TCN1: variants seen among roughly 807,000 people sequenced by gnomAD.
TCN1 encodes the protein transcobalamin-1.
In TCN1, 47 loss-of-function variants were observed where a neutral mutation model predicts 46.3. The ratio of observed to expected loss-of-function variants is 1.01; its 90% CI spans 0.80 to 1.29. The LOEUF is 1.29. Among genes scored for constraint, TCN1 ranks in the 50% most tolerant of loss-of-function variants. The pLI, the probability that TCN1 is intolerant of heterozygous loss-of-function variation, is 0.00. For missense variants in TCN1, 532 were observed against 511.0 expected (o/e 1.04, Z -0.40); for synonymous variants, 183 against 192.5 (o/e 0.95, Z 0.41).
intron 5 of TCN1, among the ~76,000 whole-genome samples, 184 bp downstream of exon 5, chr11:59,858,893 C>T (rs1590866086): frequency 6.6e-6 from 1 of 152,256 alleles, no homozygotes; most frequent in East Asian, 1.9e-4. Context: ...ATCCCAGCTA[C>T]TCAGGAGGCT....
Position 59,855,518 on chromosome 11 carries a change from G to T in TCN1, c.937+351C>A, listed in dbSNP as rs1025587270. ...TCATTTCCCTAAGGGATCACTCACT[G>T]TGCAAAGTCAGAGTCACGGTACCAA... On this transcript the variant is annotated intron_variant, in intron 6 of 8. Coordinates refer to ENST00000257264, the MANE Select transcript of TCN1 (RefSeq NM_001062.4). Among the ~76,000 whole-genome samples the T allele has an allele frequency of 2.6e-5, 4 of 152,182 alleles. No individual in the cohort carries two copies. The South Asian group carries it at 8.3e-4, about 32-fold the overall frequency.
intron 3 of TCN1, 79 bp downstream of exon 3, chr11:59,862,503 G>A: frequency 6.5e-7 from 1 of 1,536,700 alleles, no homozygotes; most frequent in Non-Finnish European, 9.0e-7. Context: ...AGGAAAGAGT[G>A]GAGGGAAACT....
intron 5 of TCN1, among the ~76,000 whole-genome samples, chr11:59,857,462 C>T (rs1023114846): frequency 1.2e-4 from 19 of 152,278 alleles, no homozygotes; most frequent in Non-Finnish European, 1.6e-4. Flanking sequence ...TGACTGGACC[C>T]GTGCTTACAC....
In TCN1 at chr11:59,864,151, G is replaced by T. The variant is rs878915184; in HGVS notation, c.80-65C>A. 6.4e-6 allele frequency: 10 copies of T among 1,552,240 alleles called. No homozygotes were observed. The South Asian group carries it at 7.8e-5, about 12-fold the overall frequency. ...GAAAATAGTAAGACTTGCAGCAGGG[G>T]TTATATAAAAATATTTAGTAACAGA... On this transcript the variant is annotated intron_variant, in intron 1 of 8. Coordinates refer to ENST00000257264, the MANE Select transcript of TCN1 (RefSeq NM_001062.4).
At chr11:59,854,905 C>T (rs949069358) in intron 6 of TCN1, 70 bp from the exon 7 acceptor site, 19 of 1,544,878 alleles carry the variant, frequency 1.2e-5, no homozygotes, top group Non-Finnish European at 1.7e-5. Context: ...TGCAGACCTA[C>T]TCAACCCCTA....
intron 6 of TCN1, among the ~76,000 whole-genome samples, chr11:59,855,199 A>G (rs1426982192): frequency 1.3e-5 from 2 of 152,100 alleles, no homozygotes; most frequent in African/African-American, 4.8e-5. Context: ...TTTATTGAAA[A>G]CATATGAATT....
chr11:59,864,146 C>T, intron 1 of TCN1, 60 bp from the exon 2 acceptor site: 2 of 1,562,150 alleles, frequency 1.3e-6, no homozygotes, highest in Non-Finnish European at 1.8e-6. Flanking sequence ...AGACTTGCAG[C>T]AGGGGTTATA....
At chr11:59,864,970 A>G (rs548878702) in intron 1 of TCN1, among the ~76,000 whole-genome samples, 1 of 152,206 alleles carries the variant, frequency 6.6e-6, no homozygotes, top group South Asian at 2.1e-4. Context: ...AACTTATGTA[A>G]CTTGTTTTAC....
At position 59,857,550 on chromosome 11, in the gene TCN1, C is replaced by G. The variant is rs148725926; in HGVS notation, c.748-1492G>C. Among the ~76,000 whole-genome samples the G allele has an allele frequency of 1.1e-4, 16 of 152,286 alleles. No individual in the cohort carries two copies. In the East Asian group the frequency reaches 3.1e-3, roughly 29 times the overall value. ...CCTTGACCTTAAAATGCCTAACATT[C>G]TTTTGTGCTTTTGGGTCTTTGTCCT... is the stretch of plus-strand genomic sequence containing the variant. On this transcript the variant is annotated intron_variant, in intron 5 of 8. Coordinates refer to ENST00000257264, the MANE Select transcript of TCN1 (RefSeq NM_001062.4).
chr11:59,856,064 G>T lies in TCN1; in HGVS notation c.748-6C>A. 2 of 1,271,610 alleles carry T rather than the reference G, an allele frequency of 1.6e-6. No individual in the cohort carries two copies. The highest frequency in any genetic ancestry group is 1.1e-6 in the Non-Finnish European group (1 of 936,078). 78.8% of individuals were successfully genotyped at this position (1,271,610 alleles called of 1,614,324 possible). On this transcript the variant is annotated splice_polypyrimidine_tract_variant and splice_region_variant and intron_variant, in intron 5 of 8. Coordinates refer to ENST00000257264, the MANE Select transcript of TCN1 (RefSeq NM_001062.4). ...TCTGATGATACAAAGAGGGCCTAAT[G>T]AGGCAGGGTGGGGTGGGGGGGTGAT...
chr11:59,854,123 G>A lies in TCN1; in HGVS notation c.1121+529C>T, dbSNP rs545428707. On this transcript the variant is annotated intron_variant, in intron 7 of 8. Transcript: ENST00000257264. ...CAGTTGAAATGCTAAATTTGGCAGT[G>A]GCTCATGCCTGTAATCCCAGCACTT... 7.3e-4 allele frequency among the ~76,000 whole-genome samples: 111 copies of A among 151,408 alleles called. 2 individuals carry two copies. Among genetic ancestry groups the A allele is most frequent in the Non-Finnish European group, 1.3e-3 (90 of 68,040 alleles).
chr11:59,865,459 A>G (rs530805419), intron 1 of TCN1, among the ~76,000 whole-genome samples: 5 of 152,304 alleles, frequency 3.3e-5, no homozygotes, highest in African/African-American at 9.6e-5. Flanking sequence ...TCAAGCCAAG[A>G]AGAAAAATCA....
intron 5 of TCN1, among the ~76,000 whole-genome samples, chr11:59,857,894 T>C (rs1248037640): frequency 6.6e-6 from 1 of 152,200 alleles, no homozygotes; most frequent in Non-Finnish European, 1.5e-5. Flanking sequence ...TGACTCATGC[T>C]CCTAGTTTAG....
chr11:59,855,035 G>T (rs749138220), intron 6 of TCN1, among the ~76,000 whole-genome samples, 200 bp from the exon 7 acceptor site: 24 of 152,188 alleles, frequency 1.6e-4, no homozygotes, highest in Non-Finnish European at 1.0e-4. Context: ...TCACCAGCTT[G>T]TGAATGTTGG....
rs1209702636 is a variant in TCN1 at position 59,866,444 on chromosome 11, TA to T, written c.26del (p.Leu9GlnfsTer20). On this transcript the variant is annotated frameshift_variant, in exon 1 of 9. Transcript: ENST00000257264. LOFTEE classifies it high-confidence loss of function. MRQSHQLP[L>X]VGLLLFSFIP... The stretch of plus-strand genomic sequence containing the variant: ...TAAAAGAAAACAGTAAGAGCCCCAC[TA>T]GGGGCAGCTGGTGTGACTGTCTCAT... 4.3e-6 allele frequency: 7 copies of T among 1,613,338 alleles called. No individual in the cohort carries two copies. In the Admixed American group the frequency reaches 1.2e-4, roughly 27 times the overall value.
chr11:59,866,326 A>G, intron 1 of TCN1, 66 bp downstream of exon 1: 3 of 1,496,830 alleles, frequency 2.0e-6, no homozygotes, highest in Non-Finnish European at 2.8e-6. Context: ...CTCTACATAG[A>G]GTCTCTTGTC....
rs775639150 is a variant in TCN1, at chr11:59,861,675, G to C, written c.408C>G (p.His136Gln). 7.4e-6 allele frequency: 12 copies of C among 1,614,100 alleles called. No homozygotes were observed. In the East Asian group the frequency reaches 2.5e-4, roughly 33 times the overall value. ...AGTAGTTAGTCAGGGGAGTGCCATT[G>C]TGTGCTTCTAGAAAAGAGAAGAAAT... ...FQAEIENMEA[H>Q]NGTPLTNYYQ... The change falls in exon 4 of 9, where the codon CAC becomes CAG. Residue 136 changes from histidine to glutamine, a missense_variant. Transcript: ENST00000257264.
rs1423542956 is a variant in TCN1 at position 59,852,819 on chromosome 11, A to G, written c.*156T>C. On this transcript the variant is annotated 3_prime_UTR_variant, in exon 9 of 9. Transcript: ENST00000257264. ...ACATGCTCTTTTTGTATAGTTGTTA[A>G]TCTTTCAACAACTTTTATTGAACAT... The G allele has an allele frequency of 1.3e-6, 1 of 766,326 alleles. No individual in the cohort carries two copies. The highest frequency in any genetic ancestry group is 2.3e-6 in the Non-Finnish European group (1 of 429,004). 47.5% of individuals were successfully genotyped at this position (766,326 alleles called of 1,614,324 possible). A position where few individuals can be genotyped will look rare whatever the true frequency, so the allele number is the denominator to read the frequency against.
intron 1 of TCN1, among the ~76,000 whole-genome samples, 164 bp downstream of exon 1, chr11:59,866,228 G>A (rs932083189): frequency 1.3e-5 from 2 of 152,124 alleles, no homozygotes; most frequent in Non-Finnish European, 2.9e-5. Context: ...TGCATTGTGA[G>A]ACTTTCCTCA....
Sources: gnomAD v4.1 joint callset for allele counts (sites outside exome capture counted in the v4.1 genomes callset) on GRCh38, gnomAD v4.1.1 for gene constraint, MANE v1.5 for transcripts, NCBI Gene and HGNC (gene_info 2026-07-23, HGNC 2026-07-21) for gene names.